The following FAM13A variants were observed in gnomAD, a reference collection of about 807,000 sequenced individuals.
FAM13A encodes family with sequence similarity 13 member A.
A neutral mutation model predicts 129.6 loss-of-function variants in FAM13A; 76 were observed. The observed-to-expected ratio is 0.59, with a 90% CI of 0.49 to 0.71. The LOEUF is 0.71. FAM13A is among the 30% of genes least tolerant of loss of function. FAM13A has a pLI of 0.00. For missense variants in FAM13A, 1,108 were observed against 1,249.3 expected (o/e 0.89, Z 1.70); for synonymous variants, 443 against 449.9 (o/e 0.98, Z 0.20).
intron 4 of FAM13A, among the ~76,000 whole-genome samples, chr4:88,984,216 T>C (rs1761969008): frequency 6.6e-6 from 1 of 152,150 alleles, no homozygotes; most frequent in Non-Finnish European, 1.5e-5. Flanking sequence ...GAATAAATCT[T>C]CATGATCTTG....
intron 19 of FAM13A, among the ~76,000 whole-genome samples, chr4:88,745,491 G>A (rs1468494984): frequency 1.3e-5 from 2 of 152,168 alleles, no homozygotes; most frequent in Non-Finnish European, 2.9e-5. Context: ...GTCCTTAAAG[G>A]TGTCTATCAA....
intron 7 of FAM13A, among the ~76,000 whole-genome samples, chr4:88,849,859 C>T (rs556957233): frequency 1.3e-5 from 2 of 152,304 alleles, no homozygotes; most frequent in Non-Finnish European, 2.9e-5. Flanking sequence ...GGCCTCACTC[C>T]ACCTTTCCAG....
intron 6 of FAM13A, among the ~76,000 whole-genome samples, chr4:88,861,398 A>C (rs1043925491): frequency 5.5e-5 from 8 of 146,772 alleles, no homozygotes; most frequent in Admixed American, 2.0e-4. Context: ...AAAAAAAAAA[A>C]ACTAAACTAA....
Position 88,739,040 on chromosome 4 carries a change from A to G in FAM13A, c.2552T>C (p.Ile851Thr). 6.2e-7 allele frequency: 1 copy of G among 1,609,426 alleles called. No individual in the cohort carries two copies. ...AGGTATTCTACTCACAATGATGGGT[A>G]TGGTGTTAGCTCGGGAGAGGATCTG... ...VKQILSRANT[I>T]PIIGSPSSKR... The change falls in exon 20 of 24, where the codon ATA becomes ACA. Residue 851 changes from isoleucine to threonine, a missense_variant. By Grantham distance (89) the Ile-to-Thr change is moderately conservative. Coordinates refer to ENST00000264344, the MANE Select transcript of FAM13A (RefSeq NM_014883.4).
At chr4:88,972,030 GCATA>G (rs1232771905) in intron 4 of FAM13A, among the ~76,000 whole-genome samples, 16 of 151,942 alleles carry the variant, frequency 1.1e-4, no homozygotes, top group Non-Finnish European at 1.8e-4. Flanking sequence ...TTATACGTGA[GCATA>G]CATAAACACA....
intron 6 of FAM13A, among the ~76,000 whole-genome samples, chr4:88,885,091 A>T (rs1288949159): frequency 6.6e-6 from 1 of 152,152 alleles, no homozygotes; most frequent in Non-Finnish European, 1.5e-5. Context: ...GCAATCTACA[A>T]ATTCAATGTA....
chr4:89,006,618 G>A (rs867392510), intron 3 of FAM13A, among the ~76,000 whole-genome samples: 13 of 152,174 alleles, frequency 8.5e-5, no homozygotes, highest in Non-Finnish European at 1.9e-4. Flanking sequence ...ATCCATGGAC[G>A]GCTAAGTGTT....
At chr4:88,957,488 T>C (rs1757938270) in intron 4 of FAM13A, among the ~76,000 whole-genome samples, 1 of 152,198 alleles carries the variant, frequency 6.6e-6, no homozygotes, top group Non-Finnish European at 1.5e-5. Context: ...AGACCTCTTT[T>C]CTTCATAAAT....
intron 6 of FAM13A, among the ~76,000 whole-genome samples, chr4:88,903,761 C>G (rs931471766): frequency 2.6e-5 from 4 of 151,984 alleles, no homozygotes; most frequent in African/African-American, 9.7e-5. Flanking sequence ...GCAACATAAG[C>G]AAAAATTGAC....
intron 4 of FAM13A, among the ~76,000 whole-genome samples, chr4:88,965,722 T>C (rs1759260701): frequency 6.6e-6 from 1 of 152,134 alleles, no homozygotes; most frequent in African/African-American, 2.4e-5. Flanking sequence ...ATATCTCCTT[T>C]TTCCACTCCC....
At chr4:89,015,013 A>G in intron 3 of FAM13A, among the ~76,000 whole-genome samples, 1 of 152,262 alleles carries the variant, frequency 6.6e-6, no homozygotes, top group South Asian at 2.1e-4. Context: ...GAGAAAGAGA[A>G]TGCGTTCCTA....
rs1722815964 is a variant in FAM13A, at chr4:88,781,348, TC to T, written c.1274del (p.Gly425AspfsTer20). On this transcript the variant is annotated frameshift_variant and splice_region_variant, in exon 11 of 24. Coordinates refer to ENST00000264344, the MANE Select transcript of FAM13A (RefSeq NM_014883.4). LOFTEE classifies it high-confidence loss of function. ...QDEVRHGRDKGLINKENTPSG... is the reference protein window; with the variant it reads ...QDEVRHGRDKXLINKENTPSG... ...AAGGAGTATTTTCTTTGTTGATAAG[TC>T]CCCTTGAATTGAGAAAAAAGCTTAA... 1.9e-6 allele frequency: 3 copies of T among 1,585,150 alleles called. No individual in the cohort carries two copies. Among genetic ancestry groups the T allele is most frequent in the Non-Finnish European group, 1.7e-6 (2 of 1,167,326 alleles).
chr4:88,887,299 T>G (rs987286639), intron 6 of FAM13A, among the ~76,000 whole-genome samples: 5 of 151,994 alleles, frequency 3.3e-5, no homozygotes, highest in Admixed American at 6.6e-5. Context: ...AATAAATAAA[T>G]AAAGAAATAA....
At chr4:88,896,970 C>T (rs1336224473) in intron 6 of FAM13A, among the ~76,000 whole-genome samples, 4 of 152,116 alleles carry the variant, frequency 2.6e-5, no homozygotes, top group Non-Finnish European at 4.4e-5. Flanking sequence ...GTTAAGAATG[C>T]AGCAACTATC....
chr4:88,952,121 T>C (rs1259598480), intron 4 of FAM13A, among the ~76,000 whole-genome samples: 3 of 152,184 alleles, frequency 2.0e-5, no homozygotes, highest in Non-Finnish European at 4.4e-5. Context: ...TATGACACCT[T>C]TCCTCTCTAA....
chr4:88,755,691 A>G (rs1743472053), intron 14 of FAM13A, among the ~76,000 whole-genome samples: 1 of 136,468 alleles, frequency 7.3e-6, no homozygotes, highest in Non-Finnish European at 1.7e-5. Context: ...TTCAAGTGGA[A>G]TATCTTTTAA....
intron 14 of FAM13A, among the ~76,000 whole-genome samples, chr4:88,758,526 T>G (rs1381224643): frequency 4.6e-5 from 7 of 152,060 alleles, no homozygotes; most frequent in Admixed American, 2.0e-4. Flanking sequence ...GGTGACACTA[T>G]GATAAAGGGC....
Position 88,750,429 on chromosome 4 carries a change from G to C in FAM13A, c.1935C>G (p.Phe645Leu). The change falls in exon 15 of 24, where the codon TTC becomes TTG. Residue 645 changes from phenylalanine (F) to leucine (L), a missense_variant. Around this residue, in one of 3 missense-constraint regions of FAM13A, gnomAD observed 529 missense variants for 621.2 expected, o/e 0.85. Transcript: ENST00000264344. ...VPPSPPNSHSFMRRRSSSLGS... is the reference protein window; with the variant it reads ...VPPSPPNSHSLMRRRSSSLGS... ...AGCAACACAGAGAAACATACCTCATGAAAGAATGGGAGTTTGGTGGGGAAG... is the reference window on the plus strand; with the variant it reads ...AGCAACACAGAGAAACATACCTCATCAAAGAATGGGAGTTTGGTGGGGAAG... The C allele has an allele frequency of 6.2e-7, 1 of 1,612,852 alleles. No homozygotes were observed. Among genetic ancestry groups the C allele is most frequent in the Non-Finnish European group, 8.5e-7 (1 of 1,178,794 alleles).
intron 3 of FAM13A, among the ~76,000 whole-genome samples, chr4:89,015,506 G>A (rs1313212917): frequency 6.6e-6 from 1 of 152,198 alleles, no homozygotes; most frequent in African/African-American, 2.4e-5. Flanking sequence ...AGGAAAAATA[G>A]AAAAGGACTC....
Sources: allele counts gnomAD v4.1 joint callset (sites outside exome capture counted in the v4.1 genomes callset), GRCh38; gene constraint gnomAD v4.1.1; regional missense constraint gnomAD v4.1.1; transcripts MANE v1.5; gene names NCBI Gene and HGNC (gene_info 2026-07-23, HGNC 2026-07-21).